The following PTGDS variants were observed in gnomAD, a reference collection of about 807,000 sequenced individuals.
The protein encoded by PTGDS is prostaglandin D2 synthase, also known as prostaglandin-H2 D-isomerase.
In PTGDS, 21 loss-of-function variants were observed where a neutral mutation model predicts 28.4. That is an observed-to-expected ratio of 0.74 (90% CI 0.52 to 1.07). The LOEUF (loss-of-function observed/expected upper bound fraction) is 1.07. PTGDS is among the 50% of genes least tolerant of loss of function. PTGDS has a pLI of 0.00. For missense variants in PTGDS, 243 were observed against 247.7 expected, an observed-to-expected ratio of 0.98 and a Z score of 0.13; for synonymous variants, 102 against 106.0, an observed-to-expected ratio of 0.96 and a Z score of 0.23.
chr9:136,980,445 C>T (rs1361306240), intron 5 of PTGDS, among the ~76,000 whole-genome samples, 161 bp downstream of exon 5: 2 of 152,218 alleles, frequency 1.3e-5, no homozygotes, highest in East Asian at 1.9e-4. Flanking sequence ...ACCTCCCTCC[C>T]GCAGCCCCTT....
chr9:136,979,160 G>A, intron 2 of PTGDS, 28 bp downstream of exon 2: 1 of 1,612,956 alleles, frequency 6.2e-7, no homozygotes, highest in Non-Finnish European at 8.5e-7. Context: ...TGGGTTTCTG[G>A]GACGGAGAGG....
chr9:136,978,859 C>A, intron 1 of PTGDS, 134 bp from the exon 2 acceptor site: 1 of 1,249,412 alleles, frequency 8.0e-7, no homozygotes, highest in Non-Finnish European at 1.1e-6. Flanking sequence ...AGGGGCGTGG[C>A]TGCTCGGGGG....
chr9:136,978,906 G>A (rs745602766), intron 1 of PTGDS, 87 bp from the exon 2 acceptor site: 42 of 1,548,738 alleles, frequency 2.7e-5, no homozygotes, highest in Non-Finnish European at 2.9e-5. Context: ...GGAGACCGGA[G>A]GAGTAGACGG....
Position 136,980,556 on chromosome 9 carries a change from A to T in PTGDS, c.550+272A>T, listed in dbSNP as rs941204233. ...GTGGGGCTTCAGCCTGGTGGGGGGC[A>T]TAGGGTAGAGGGTGCCCATGGGGGA... is the stretch of plus-strand genomic sequence containing the variant. On this transcript the variant is annotated intron_variant, in intron 5 of 6. Transcript: ENST00000371625. The T allele has an allele frequency of 1.4e-5, 16 of 1,160,492 alleles. No homozygotes were observed. In the African/African-American group the frequency reaches 2.3e-4, roughly 17 times the overall value. The allele number at this position is 1,160,492 out of a possible 1,614,324, so 71.9% of individuals were successfully genotyped here.
intron 6 of PTGDS, among the ~76,000 whole-genome samples, chr9:136,981,222 G>T (rs34012410): frequency 2.6e-5 from 4 of 152,128 alleles, no homozygotes; most frequent in Admixed American, 1.3e-4. Flanking sequence ...AAACCAGGGT[G>T]GGGGAGACAG....
intron 1 of PTGDS, 157 bp from the exon 2 acceptor site, chr9:136,978,836 G>A: frequency 9.2e-7 from 1 of 1,087,438 alleles, no homozygotes; most frequent in Non-Finnish European, 1.3e-6. Flanking sequence ...GTCAGTTCCT[G>A]GGGCGGGGCG....
rs11552181 is a variant in PTGDS at position 136,979,067 on chromosome 9, C to T, written c.189C>T (p.Ser63=). 1,536 of 1,609,548 alleles carry T rather than the reference C, an allele frequency of 9.5e-4. 14 individuals carry two copies. In the South Asian group the frequency reaches 0.016, roughly 17 times the overall value. Reference sequence around the variant, plus strand: ...TCCGGGAGAAGAAGGCGGCGTTGTCCATGTGCAAGTCTGTGGTGGCCCCTG... The same window carrying T: ...TCCGGGAGAAGAAGGCGGCGTTGTCTATGTGCAAGTCTGTGGTGGCCCCTG... The part of the protein sequence containing the change: ...SWLREKKAAL[S]MCKSVVAPAT... The change falls in exon 2 of 7, where the codon TCC becomes TCT. Residue 63 remains serine (S), a synonymous_variant. Transcript: ENST00000371625.
chr9:136,979,709 T>C (rs1353110845), intron 3 of PTGDS: 88 of 613,564 alleles, frequency 1.4e-4, no homozygotes, highest in Non-Finnish European at 1.8e-4. Context: ...CTTCTGCGGC[T>C]GCACCAGGAA....
intron 5 of PTGDS, among the ~76,000 whole-genome samples, chr9:136,980,524 C>G (rs575763582): frequency 1.3e-5 from 2 of 152,332 alleles, no homozygotes; most frequent in East Asian, 3.9e-4. Flanking sequence ...CCAGCAGCTC[C>G]CAGGATGTGG....
rs775508204 is a variant in PTGDS at position 136,980,090 on chromosome 9, C to T, written c.448+28C>T. ...ACGTGCCCCGTGGACGCCGCCCACA[C>T]GCAGGCCTGACCAGAGGGGGCTCCC... is the stretch of plus-strand genomic sequence containing the variant. On this transcript the variant is annotated intron_variant, in intron 4 of 6. Transcript: ENST00000371625. 3.5e-5 allele frequency: 56 copies of T among 1,606,718 alleles called. 1 individual carries two copies. The highest frequency in any genetic ancestry group is 3.3e-4 in the Middle Eastern group (2 of 6,046).
chr9:136,977,764 T>C, intron 1 of PTGDS, 72 bp downstream of exon 1: 1 of 1,351,918 alleles, frequency 7.4e-7, no homozygotes, highest in South Asian at 1.3e-5. Context: ...TCCGGCTGGG[T>C]CTTCCCCCTG....
At position 136,978,902 on chromosome 9, in the gene PTGDS, C is replaced by G. The variant is rs746553570; in HGVS notation, c.115-91C>G. The G allele has an allele frequency of 8.4e-6, 13 of 1,540,082 alleles. No individual in the cohort carries two copies. The African/African-American group carries it at 1.8e-4, about 21-fold the overall frequency. On this transcript the variant is annotated intron_variant, in intron 1 of 6. Transcript: ENST00000371625. ...GTGGGGGCGGGGCCGGGTTGGAGACCGGAGGAGTAGACGGCAGAGGCGCCC... is the reference window on the plus strand; with the variant it reads ...GTGGGGGCGGGGCCGGGTTGGAGACGGGAGGAGTAGACGGCAGAGGCGCCC...
intron 3 of PTGDS, chr9:136,979,694 A>T: frequency 1.6e-6 from 1 of 607,118 alleles, no homozygotes; most frequent in South Asian, 1.9e-5. Flanking sequence ...CGGTTCTGGC[A>T]GCGACTTCTG....
intron 1 of PTGDS, among the ~76,000 whole-genome samples, chr9:136,978,595 G>T (rs1287358781): frequency 6.0e-5 from 7 of 117,418 alleles, no homozygotes; most frequent in South Asian, 2.9e-4. Context: ...GGCGGGGTCA[G>T]CTCCTAGGGG....
chr9:136,979,386 A>G, intron 3 of PTGDS, 87 bp downstream of exon 3: 1 of 1,576,376 alleles, frequency 6.3e-7, no homozygotes, highest in Non-Finnish European at 8.6e-7. Flanking sequence ...TGCCGCGGAG[A>G]TCCATGGGGT....
chr9:136,979,196 C>T (rs776301420), intron 2 of PTGDS, 27 bp from the exon 3 acceptor site: 4 of 1,613,148 alleles, frequency 2.5e-6, no homozygotes, highest in Non-Finnish European at 8.5e-7. Context: ...GGGCCTAACC[C>T]CTGACCCTGA....
chr9:136,980,607 T>G (rs1429421822), intron 5 of PTGDS: 8 of 1,482,180 alleles, frequency 5.4e-6, no homozygotes, highest in Non-Finnish European at 6.4e-6. Context: ...CATACTGGGC[T>G]CAGGCACAGC....
chr9:136,980,234 G>A lies in PTGDS; in HGVS notation c.500G>A (p.Cys167Tyr). 1 of 1,614,094 alleles carries A rather than the reference G, an allele frequency of 6.2e-7. No homozygotes were observed. The highest frequency in any genetic ancestry group is 8.5e-7 in the Non-Finnish European group (1 of 1,180,004). ...AELKEKFTAF[C>Y]KAQGFTEDTI... ...TTAAAGGAGAAATTCACCGCCTTCT[G>A]CAAGGCCCAGGGCTTCACAGAGGAT... The change falls in exon 5 of 7, where the codon TGC becomes TAC. Residue 167 changes from cysteine (C) to tyrosine (Y), a missense_variant. Cys to Tyr is a radical substitution (Grantham distance 194, BLOSUM62 -2). Transcript: ENST00000371625.
intron 1 of PTGDS, among the ~76,000 whole-genome samples, chr9:136,978,402 G>A (rs1037037863): frequency 6.6e-6 from 1 of 150,594 alleles, no homozygotes; most frequent in Admixed American, 6.6e-5. Context: ...CCAGACGGGG[G>A]TGCTGGGTGT....
Sources: gnomAD v4.1 joint callset for allele counts (sites outside exome capture counted in the v4.1 genomes callset) on GRCh38, gnomAD v4.1.1 for gene constraint, MANE v1.5 for transcripts, NCBI Gene and HGNC (gene_info 2026-07-23, HGNC 2026-07-21) for gene names.